ITPK1: variants seen among roughly 807,000 people sequenced by gnomAD.
The protein encoded by ITPK1 is inositol-tetrakisphosphate 1-kinase, also known as inositol 1,3,4-trisphosphate 5/6-kinase.
ITPK1 carries 21 observed loss-of-function variants against 45.3 expected under a neutral mutation model. The ratio of observed to expected loss-of-function variants is 0.46; its 90% CI spans 0.33 to 0.67. ITPK1 has a LOEUF of 0.67. ITPK1 is among the 30% of genes least tolerant of loss of function. The probability of loss-of-function intolerance (pLI) is 0.02; values close to 1 mark genes in which losing one functional copy is unlikely to be tolerated. For missense variants in ITPK1, 474 were observed against 573.5 expected (o/e 0.83, Z 1.77); for synonymous variants, 258 against 253.6 (o/e 1.02, Z -0.16).
chr14:92,962,276 A>G (rs1885114454), intron 7 of ITPK1, 79 bp downstream of exon 7: 1 of 1,052,806 alleles, frequency 9.5e-7, no homozygotes, highest in South Asian at 1.3e-5. Flanking sequence ...GCAGTGAGGA[A>G]TCCGGCAGGG....
At chr14:92,947,053 G>A (rs545335060) in intron 9 of ITPK1, among the ~76,000 whole-genome samples, 29 of 152,322 alleles carry the variant, frequency 1.9e-4, no homozygotes, top group African/African-American at 5.5e-4. Context: ...ACATGGCTAG[G>A]AGCAGCTGGG....
intron 10 of ITPK1, 81 bp downstream of exon 10, chr14:92,946,248 TCA>T (rs1252854267): frequency 6.6e-7 from 1 of 1,516,212 alleles, no homozygotes; most frequent in African/African-American, 1.4e-5. Context: ...CTTTCTGGCC[TCA>T]GTCACCCCGC....
intron 3 of ITPK1, chr14:93,071,671 A>G (rs891988908): frequency 2.0e-5 from 3 of 152,234 alleles, no homozygotes; most frequent in Non-Finnish European, 4.4e-5. Flanking sequence ...TTTAAATTAC[A>G]TAATCAAGCT....
In ITPK1 at chr14:93,034,786, G is replaced by A. The variant is rs974087586; in HGVS notation, c.121-17985C>T. Among the ~76,000 whole-genome samples, 2 of 152,204 alleles carry A rather than the reference G, an allele frequency of 1.3e-5. No individual in the cohort carries two copies. The highest frequency in any genetic ancestry group is 3.8e-4 in the East Asian group (2 of 5,198). ...GGCTGGCATGGCCCCAGCACACACGGGCAGTGGGCAGTGGGCAGTGCCAGT... is the reference window on the plus strand; with the variant it reads ...GGCTGGCATGGCCCCAGCACACACGAGCAGTGGGCAGTGGGCAGTGCCAGT... On this transcript the variant is annotated intron_variant, in intron 3 of 10. Coordinates refer to ENST00000267615, the MANE Select transcript of ITPK1 (RefSeq NM_014216.6). This position sits in a 1 kb window ranked among gnomAD's most constrained non-coding sequence, Gnocchi z 4.1.
chr14:93,025,769 C>T (rs1888705128), intron 3 of ITPK1, among the ~76,000 whole-genome samples: 1 of 151,828 alleles, frequency 6.6e-6, no homozygotes, highest in South Asian at 2.1e-4. Flanking sequence ...CTAGGTCCTC[C>T]CTTTTTCACA....
chr14:93,027,151 T>G (rs1888778388), intron 3 of ITPK1, among the ~76,000 whole-genome samples: 1 of 152,124 alleles, frequency 6.6e-6, no homozygotes, highest in Admixed American at 6.5e-5. Context: ...CTGGTCAGAG[T>G]GGCAGCCACC....
At chr14:93,043,674 T>C (rs1482293156) in intron 3 of ITPK1, among the ~76,000 whole-genome samples, 1 of 152,218 alleles carries the variant, frequency 6.6e-6, no homozygotes, top group Non-Finnish European at 1.5e-5. Context: ...TAAAACAAGC[T>C]TGGATTACAC....
At chr14:93,085,552 G>A (rs988114256) in intron 2 of ITPK1, among the ~76,000 whole-genome samples, 1 of 152,178 alleles carries the variant, frequency 6.6e-6, no homozygotes, top group Non-Finnish European at 1.5e-5. Context: ...GGCACCTCCC[G>A]GAGAGGTCAT....
At chr14:93,050,915 C>A (rs1366197280) in intron 3 of ITPK1, among the ~76,000 whole-genome samples, 1 of 152,170 alleles carries the variant, frequency 6.6e-6, no homozygotes, top group East Asian at 1.9e-4. Context: ...AATAAACACG[C>A]CTTGCGGTGC....
rs992661269 is a variant in ITPK1, at chr14:93,059,424, G to A, written c.120+17171C>T. On this transcript the variant is annotated intron_variant, in intron 3 of 10. Coordinates refer to ENST00000267615, the MANE Select transcript of ITPK1 (RefSeq NM_014216.6). ...GTGGTATGGGTCTCGAGGCGGGGGCGGGTGCTGATCCCGAGGCAGGGACGG... is the reference window on the plus strand; with the variant it reads ...GTGGTATGGGTCTCGAGGCGGGGGCAGGTGCTGATCCCGAGGCAGGGACGG... Among the ~76,000 whole-genome samples the A allele has an allele frequency of 5.0e-4, 40 of 79,934 alleles. 1 individual carries two copies. In the Middle Eastern group the frequency reaches 0.026, roughly 53 times the overall value. 52.4% of individuals were successfully genotyped at this position (79,934 alleles called of 152,430 possible).
At chr14:93,044,669 T>G (rs774851779) in intron 3 of ITPK1, among the ~76,000 whole-genome samples, 6 of 152,106 alleles carry the variant, frequency 3.9e-5, no homozygotes, top group Non-Finnish European at 8.8e-5. Context: ...CCTGTGGGGC[T>G]GTAGATCTCA....
intron 5 of ITPK1, among the ~76,000 whole-genome samples, chr14:92,992,360 T>A (rs1465567778): frequency 6.6e-6 from 1 of 152,200 alleles, no homozygotes; most frequent in Non-Finnish European, 1.5e-5. Flanking sequence ...AACATACAGC[T>A]CTTTCTTCCC....
chr14:93,003,486 G>A (rs1314563779), intron 4 of ITPK1, among the ~76,000 whole-genome samples: 3 of 152,218 alleles, frequency 2.0e-5, no homozygotes, highest in Non-Finnish European at 2.9e-5. Context: ...CTAGGCCTAG[G>A]TGCAACAGAA....
intron 3 of ITPK1, among the ~76,000 whole-genome samples, chr14:93,045,099 T>C (rs1023439440): frequency 8.5e-5 from 13 of 152,258 alleles, no homozygotes; most frequent in Admixed American, 2.6e-4. Context: ...TGGAAGTCTG[T>C]GCCTTAGTTC....
At chr14:93,011,454 G>C (rs1887902880) in intron 4 of ITPK1, among the ~76,000 whole-genome samples, 1 of 152,232 alleles carries the variant, frequency 6.6e-6, no homozygotes, top group African/African-American at 2.4e-5. Context: ...GCTACACATG[G>C]TTTCCTTCCA....
chr14:93,080,899 C>A (rs890969524), intron 2 of ITPK1, among the ~76,000 whole-genome samples: 6 of 152,008 alleles, frequency 3.9e-5, no homozygotes, highest in Non-Finnish European at 5.9e-5. Flanking sequence ...ATGATGCCAG[C>A]CAATTTTTGT....
At chr14:92,956,294 AT>A (rs146213518) in intron 8 of ITPK1, among the ~76,000 whole-genome samples, 2,133 of 139,018 alleles carry the variant, frequency 0.015, 37 homozygotes, top group African/African-American at 0.045. Context: ...TAATTTTTTA[AT>A]TTTTTTTTTT....
At chr14:92,994,426 C>A (rs978089246) in intron 4 of ITPK1, among the ~76,000 whole-genome samples, 1 of 152,088 alleles carries the variant, frequency 6.6e-6, no homozygotes, top group Non-Finnish European at 1.5e-5. Flanking sequence ...TGGAGAGAAA[C>A]ACGCCACAGG....
chr14:92,980,163 G>A (rs1169631780), intron 5 of ITPK1, among the ~76,000 whole-genome samples: 2 of 152,160 alleles, frequency 1.3e-5, no homozygotes, highest in Admixed American at 6.5e-5. Flanking sequence ...TCTTTGGGCA[G>A]AACACACAGC....
Sources: allele counts gnomAD v4.1 joint callset (sites outside exome capture counted in the v4.1 genomes callset), GRCh38; gene constraint gnomAD v4.1.1; non-coding constraint Gnocchi (gnomAD v3.1); transcripts MANE v1.5; gene names NCBI Gene and HGNC (gene_info 2026-07-23, HGNC 2026-07-21).